The following MPRIP variants were observed in gnomAD, a reference collection of about 807,000 sequenced individuals.
MPRIP encodes the protein myosin phosphatase Rho interacting protein.
A neutral mutation model predicts 234.9 loss-of-function variants in MPRIP; 59 were observed. That is an observed-to-expected ratio of 0.25 (90% CI 0.20 to 0.31). The LOEUF (loss-of-function observed/expected upper bound fraction) is 0.31, where lower values mean the gene tolerates loss of function less well. Ranked by LOEUF, MPRIP falls within the 10% of genes least tolerant of loss-of-function variation. MPRIP has a pLI of 1.00. For synonymous variants in MPRIP, 1,144 were observed against 1,263.9 expected (o/e 0.91, Z 2.01); for missense variants, 2,436 against 3,071.0 (o/e 0.79, Z 4.89).
At chr17:17,094,926 T>A (rs558754100) in intron 3 of MPRIP, among the ~76,000 whole-genome samples, 137 of 152,214 alleles carry the variant, frequency 9.0e-4, no homozygotes, top group Middle Eastern at 3.4e-3. Flanking sequence ...AATTTTTTTT[T>A]AAAATTTTTC....
chr17:17,104,085 A>G (rs1338061518), intron 3 of MPRIP, among the ~76,000 whole-genome samples: 1 of 152,200 alleles, frequency 6.6e-6, no homozygotes, highest in Non-Finnish European at 1.5e-5. Flanking sequence ...TGTGTCAGAT[A>G]TTCATGTGAC....
chr17:17,144,363 G>C (rs1314710874), intron 9 of MPRIP, among the ~76,000 whole-genome samples: 1 of 152,174 alleles, frequency 6.6e-6, no homozygotes, highest in African/African-American at 2.4e-5. Flanking sequence ...GTAAGGTTTG[G>C]GTTTTTCCTT....
At chr17:17,111,729 G>A (rs893520863) in intron 3 of MPRIP, among the ~76,000 whole-genome samples, 11 of 152,132 alleles carry the variant, frequency 7.2e-5, no homozygotes, top group African/African-American at 2.2e-4. Context: ...CAGCTGTTAC[G>A]GGCGGTACCA....
chr17:17,164,126 C>G lies in MPRIP; in HGVS notation c.2535C>G (p.Ser845=). Residue 845 remains serine, a synonymous_variant, in exon 16 of 24, where the codon TCC becomes TCG. Coordinates refer to ENST00000651222, the MANE Select transcript of MPRIP (RefSeq NM_001364716.4). ...GYVLQTEVAA[S]PSGAWQRLHR... ...TTTTTAAGACTGAAGTGGCCGCCTC[C>G]CCATCGGGTGCCTGGCAGAGGCTCC... 1 of 1,304,150 alleles carries G rather than the reference C, an allele frequency of 7.7e-7. No individual in the cohort carries two copies. The highest frequency in any genetic ancestry group is 1.0e-6 in the Non-Finnish European group (1 of 988,980). 80.8% of individuals were successfully genotyped at this position (1,304,150 alleles called of 1,614,324 possible). A position where few individuals can be genotyped will look rare whatever the true frequency, so the allele number is the denominator to read the frequency against.
chr17:17,044,936 C>T (rs2088296231), intron 1 of MPRIP, among the ~76,000 whole-genome samples: 1 of 152,128 alleles, frequency 6.6e-6, no homozygotes, highest in South Asian at 2.1e-4. Context: ...AGCATTCTAC[C>T]TCCTGGGATC....
Position 17,166,649 on chromosome 17 carries a change from G to C in MPRIP, c.5058G>C (p.Arg1686Ser), listed in dbSNP as rs1224320564. The change falls in exon 16 of 24, where the codon AGG (arginine) becomes AGC (serine). Residue 1686 changes from arginine to serine, a missense_variant. Physicochemically the swap from Arg to Ser is moderately radical, Grantham distance 110. This residue lies in a region of MPRIP where 1,998 missense variants were observed against 2,520.3 expected (regional missense o/e 0.79). Coordinates refer to ENST00000651222, the MANE Select transcript of MPRIP (RefSeq NM_001364716.4). This position sits in a 1 kb window ranked among gnomAD's most constrained non-coding sequence, Gnocchi z 4.4. ...TQSVRESFHRRLQSIQETLRG... is the reference protein window; with the variant it reads ...TQSVRESFHRSLQSIQETLRG... ...CAGTGAGGGAGTCGTTCCACCGCAGGCTACAGAGCATCCAGGAGACCCTGC... is the reference window on the plus strand; with the variant it reads ...CAGTGAGGGAGTCGTTCCACCGCAGCCTACAGAGCATCCAGGAGACCCTGC... 2 of 1,304,006 alleles carry C rather than the reference G, an allele frequency of 1.5e-6. No homozygotes were observed. Among genetic ancestry groups the C allele is most frequent in the Non-Finnish European group, 2.0e-6 (2 of 988,978 alleles). The allele number at this position is 1,304,006 out of a possible 1,614,324, so 80.8% of individuals were successfully genotyped here. A position where few individuals can be genotyped will look rare whatever the true frequency, so the allele number is the denominator to read the frequency against.
chr17:17,107,540 C>T (rs116318713), intron 3 of MPRIP, among the ~76,000 whole-genome samples: 6,813 of 152,292 alleles, frequency 0.045, 474 homozygotes, highest in African/African-American at 0.14. Flanking sequence ...CATCATCTCA[C>T]GCAGCAGCTT....
chr17:17,092,818 G>A (rs2089750697), intron 3 of MPRIP, among the ~76,000 whole-genome samples: 1 of 152,200 alleles, frequency 6.6e-6, no homozygotes, highest in African/African-American at 2.4e-5. Context: ...TCCAACTTGT[G>A]TTCTAGGACC....
chr17:17,085,428 G>A (rs533127907), intron 3 of MPRIP, among the ~76,000 whole-genome samples: 22 of 152,324 alleles, frequency 1.4e-4, no homozygotes, highest in African/African-American at 5.0e-4. Context: ...CCCATGCATC[G>A]CATTCCCGCG....
intron 15 of MPRIP, 122 bp from the exon 16 acceptor site, chr17:17,163,987 G>T: frequency 5.3e-5 from 27 of 512,728 alleles, no homozygotes; most frequent in Non-Finnish European, 8.1e-5. Flanking sequence ...AAATAAAGTT[G>T]TACAAAGGAT....
At chr17:17,147,129 G>GTGTGA (rs2045484382) in intron 10 of MPRIP, among the ~76,000 whole-genome samples, 190 bp from the exon 11 acceptor site, 1 of 151,310 alleles carries the variant, frequency 6.6e-6, no homozygotes, top group South Asian at 2.1e-4. Context: ...CGTCCTGAGG[G>GTGTGA]TGTGAGCGCA....
At chr17:17,143,911 C>T (rs1255762307) in intron 9 of MPRIP, among the ~76,000 whole-genome samples, 2 of 152,158 alleles carry the variant, frequency 1.3e-5, no homozygotes, top group Non-Finnish European at 2.9e-5. Context: ...GGAGGCCCTG[C>T]GGAGGAGGCC....
chr17:17,164,376 C>T lies in MPRIP; in HGVS notation c.2785C>T (p.Arg929Trp), dbSNP rs1166185508. The change falls in exon 16 of 24, where the codon CGG becomes TGG. Residue 929 changes from arginine to tryptophan, a missense_variant. Physicochemically the swap from Arg to Trp is moderately radical, Grantham distance 101 (BLOSUM62 -3). Transcript: ENST00000651222. The stretch of plus-strand genomic sequence containing the variant: ...GGCCAAGCTCAAGGGCGACCTGAAG[C>T]GGGAGCAGGGCCGGGTCCGCGAGCA... ...ALAKLKGDLK[R>W]EQGRVREQLE... The T allele has an allele frequency of 1.9e-5, 25 of 1,295,246 alleles. No individual in the cohort carries two copies. Among genetic ancestry groups the T allele is most frequent in the Non-Finnish European group, 2.3e-5 (23 of 987,182 alleles). The allele number at this position is 1,295,246 out of a possible 1,614,324, so 80.2% of individuals were successfully genotyped here.
At chr17:17,124,517 G>T (rs2144375942) in intron 3 of MPRIP, among the ~76,000 whole-genome samples, 1 of 152,312 alleles carries the variant, frequency 6.6e-6, no homozygotes, top group South Asian at 2.1e-4. Flanking sequence ...AAGGACCAGG[G>T]TGGGAGTCAA....
chr17:17,114,872 G>A (rs1215974473), intron 3 of MPRIP, among the ~76,000 whole-genome samples: 1 of 152,238 alleles, frequency 6.6e-6, no homozygotes, highest in Non-Finnish European at 1.5e-5. Flanking sequence ...CGTAGCAGGT[G>A]TGAGGAGGAA....
chr17:17,154,336 A>T lies in MPRIP; in HGVS notation c.1750A>T (p.Met584Leu). 1.9e-6 allele frequency: 3 copies of T among 1,614,172 alleles called. No individual in the cohort carries two copies. The highest frequency in any genetic ancestry group is 1.1e-5 in the South Asian group (1 of 91,084). The change falls in exon 13 of 24, where the codon ATG becomes TTG. Residue 584 changes from methionine (M) to leucine (L), a missense_variant. This residue lies in a region of MPRIP where 1,998 missense variants were observed against 2,520.3 expected (regional missense o/e 0.79). Coordinates refer to ENST00000651222, the MANE Select transcript of MPRIP (RefSeq NM_001364716.4). Reference protein sequence around the residue: ...TKEGEFTLSAMTSGIRRNWIQ... With the variant: ...TKEGEFTLSALTSGIRRNWIQ... ...GGAGGGCGAGTTTACCCTGTCGGCC[A>T]TGACATCTGGGATTCGGCGGAACTG...
rs540518689 is a variant in MPRIP, at chr17:17,191,043, A to G, written c.*6149A>G. 1.3e-5 allele frequency: 2 copies of G among 152,336 alleles called. No homozygotes were observed. The highest frequency in any genetic ancestry group is 1.9e-4 in the East Asian group (1 of 5,188). 9.4% of individuals were successfully genotyped at this position (152,336 alleles called of 1,614,324 possible). ...GCACCGTTGAAGCCCGCCCAGCATT[A>G]TAAGGAAATGTTTTTAATGACTGCT... On this transcript the variant is annotated 3_prime_UTR_variant, in exon 24 of 24. Transcript: ENST00000651222.
At chr17:17,081,840 G>A (rs1225889671) in intron 3 of MPRIP, among the ~76,000 whole-genome samples, 1 of 152,168 alleles carries the variant, frequency 6.6e-6, no homozygotes, top group Non-Finnish European at 1.5e-5. Flanking sequence ...CACGTACCCT[G>A]TAACTGGTGG....
intron 3 of MPRIP, among the ~76,000 whole-genome samples, chr17:17,107,058 C>T (rs1323120690): frequency 1.3e-5 from 2 of 152,238 alleles, no homozygotes; most frequent in Non-Finnish European, 2.9e-5. Flanking sequence ...ATACCCCTTT[C>T]TCAAGGAAAG....
Sources: gnomAD v4.1 joint callset for allele counts (sites outside exome capture counted in the v4.1 genomes callset) on GRCh38, gnomAD v4.1.1 for gene constraint, gnomAD v4.1.1 regional missense constraint, Gnocchi (gnomAD v3.1) non-coding constraint, MANE v1.5 for transcripts, NCBI Gene and HGNC (gene_info 2026-07-23, HGNC 2026-07-21) for gene names.